Variants in MMP20 observed in about 807,000 individuals in gnomAD.
The protein encoded by MMP20 is matrix metallopeptidase 20.
In MMP20, 50 loss-of-function variants were observed where a neutral mutation model predicts 51.8. The ratio of observed to expected loss-of-function variants is 0.97; its 90% CI spans 0.77 to 1.22. The LOEUF (loss-of-function observed/expected upper bound fraction) is 1.22, where lower values mean the gene tolerates loss of function less well. MMP20 is among the 50% of genes most tolerant of loss of function. The probability of loss-of-function intolerance (pLI) is 0.00; values close to 1 mark genes in which losing one functional copy is unlikely to be tolerated. For synonymous variants in MMP20, 244 were observed against 216.2 expected (o/e 1.13, Z -1.13); for missense variants, 663 against 601.4 (o/e 1.10, Z -1.07).
At chr11:102,588,112 T>G (rs1859274854) in intron 8 of MMP20, among the ~76,000 whole-genome samples, 1 of 152,148 alleles carries the variant, frequency 6.6e-6, no homozygotes, top group Non-Finnish European at 1.5e-5. Flanking sequence ...TGTATTTTCC[T>G]AAGTGATTTC....
chr11:102,602,167 A>C (rs1859456587), intron 6 of MMP20, among the ~76,000 whole-genome samples: 1 of 128,232 alleles, frequency 7.8e-6, no homozygotes, highest in Non-Finnish European at 1.6e-5. Context: ...ACGGGGTTTC[A>C]CCATGTTAGC....
intron 6 of MMP20, 62 bp downstream of exon 6, chr11:102,606,473 C>A (rs373203014): frequency 1.9e-6 from 3 of 1,606,798 alleles, no homozygotes; most frequent in Non-Finnish European, 2.6e-6. Context: ...ACCTGTGGGA[C>A]GACGTTTGTC....
chr11:102,581,263 A>G (rs1013900353), intron 8 of MMP20, among the ~76,000 whole-genome samples: 1 of 152,176 alleles, frequency 6.6e-6, no homozygotes, highest in African/African-American at 2.4e-5. Context: ...TTCTGGCCCC[A>G]AGAACAATTA....
At chr11:102,591,238 C>A (rs1591611349) in intron 8 of MMP20, among the ~76,000 whole-genome samples, 2 of 152,146 alleles carry the variant, frequency 1.3e-5, no homozygotes, top group South Asian at 2.1e-4. Flanking sequence ...GTTGCATACA[C>A]CAGTGTATGT....
Position 102,579,067 on chromosome 11 carries a change from G to A in MMP20, c.1323C>T (p.Gly441=), listed in dbSNP as rs767685801. The change falls in exon 9 of 10, where the codon GGC becomes GGT. Residue 441 remains glycine, a synonymous_variant. Coordinates refer to ENST00000260228, the MANE Select transcript of MMP20 (RefSeq NM_004771.4). ...TTAATTCTACAGCAGCATCGATTTG[G>A]CCATTTACTCCTGAAAATTCTTCTT... The part of the protein sequence containing the change: ...NTEEEFSGVN[G]QIDAAVELNG... The A allele has an allele frequency of 1.7e-5, 28 of 1,612,896 alleles. No homozygotes were observed. The highest frequency in any genetic ancestry group is 2.2e-5 in the East Asian group (1 of 44,842).
At chr11:102,603,831 A>T (rs945317514) in intron 6 of MMP20, among the ~76,000 whole-genome samples, 1 of 152,162 alleles carries the variant, frequency 6.6e-6, no homozygotes, top group Non-Finnish European at 1.5e-5. Context: ...AGATACGTAC[A>T]TTGTAGCAGG....
intron 6 of MMP20, among the ~76,000 whole-genome samples, chr11:102,600,695 C>T (rs1859434965): frequency 6.6e-6 from 1 of 152,080 alleles, no homozygotes; most frequent in South Asian, 2.1e-4. Flanking sequence ...CCATGTTTCC[C>T]AGGCTGGTCT....
chr11:102,584,827 C>T (rs1436947300), intron 8 of MMP20, among the ~76,000 whole-genome samples: 1 of 151,994 alleles, frequency 6.6e-6, no homozygotes, highest in Admixed American at 6.6e-5. Flanking sequence ...GGTCTAAGTC[C>T]ATTCTTTTGC....
chr11:102,584,236 A>G (rs1859229095), intron 8 of MMP20, among the ~76,000 whole-genome samples: 1 of 152,190 alleles, frequency 6.6e-6, no homozygotes, highest in African/African-American at 2.4e-5. Flanking sequence ...ACTAATTTAC[A>G]TTTCTACTAC....
intron 1 of MMP20, among the ~76,000 whole-genome samples, chr11:102,622,126 CA>C (rs1859758762): frequency 6.6e-6 from 1 of 152,140 alleles, no homozygotes; most frequent in Non-Finnish European, 1.5e-5. Context: ...TTAAAGGACA[CA>C]AGTGGACATT....
At chr11:102,600,550 C>T (rs1431850837) in intron 6 of MMP20, among the ~76,000 whole-genome samples, 1 of 152,154 alleles carries the variant, frequency 6.6e-6, no homozygotes, top group Non-Finnish European at 1.5e-5. Context: ...GTGGTGCAAT[C>T]TCAGCTCACT....
intron 1 of MMP20, among the ~76,000 whole-genome samples, chr11:102,618,127 T>C (rs1565400684): frequency 6.6e-6 from 1 of 152,198 alleles, no homozygotes; most frequent in Non-Finnish European, 1.5e-5. Flanking sequence ...TGTTATACTG[T>C]ATTGTTTAGG....
At chr11:102,601,936 T>C (rs1225330984) in intron 6 of MMP20, among the ~76,000 whole-genome samples, 1 of 139,236 alleles carries the variant, frequency 7.2e-6, no homozygotes, top group African/African-American at 2.7e-5. Context: ...AAAAATGCTT[T>C]TCTTTTCTTT....
intron 1 of MMP20, among the ~76,000 whole-genome samples, chr11:102,622,043 G>C (rs1205872242): frequency 1.3e-5 from 2 of 152,156 alleles, no homozygotes; most frequent in African/African-American, 4.8e-5. Context: ...TAAAATCCTG[G>C]ATTATGAGAA....
chr11:102,606,345 G>A (rs1221409499), intron 6 of MMP20, among the ~76,000 whole-genome samples, 190 bp downstream of exon 6: 1 of 152,142 alleles, frequency 6.6e-6, no homozygotes, highest in Non-Finnish European at 1.5e-5. Flanking sequence ...ACCACAGTAG[G>A]TGCACCACAA....
intron 6 of MMP20, among the ~76,000 whole-genome samples, chr11:102,597,461 T>C (rs1192150861): frequency 6.6e-6 from 1 of 152,240 alleles, no homozygotes; most frequent in Non-Finnish European, 1.5e-5. Flanking sequence ...GAAGTAGTCA[T>C]TGTAAATCAA....
intron 8 of MMP20, among the ~76,000 whole-genome samples, chr11:102,592,985 A>G (rs1451370871): frequency 1.3e-5 from 2 of 152,234 alleles, no homozygotes; most frequent in East Asian, 3.8e-4. Context: ...GGACTAAGCA[A>G]TAAGGCCTTT....
intron 3 of MMP20, among the ~76,000 whole-genome samples, chr11:102,610,709 T>A (rs538402493): frequency 5.5e-4 from 83 of 152,160 alleles, no homozygotes; most frequent in Admixed American, 1.0e-3. Flanking sequence ...AAATAAGGGA[T>A]ATAGTTTACC....
chr11:102,613,163 T>C (rs1421918961), intron 2 of MMP20, among the ~76,000 whole-genome samples: 1 of 152,188 alleles, frequency 6.6e-6, no homozygotes, highest in African/African-American at 2.4e-5. Flanking sequence ...AAAAATGTAG[T>C]GCTTTTTGGA....
Sources: gnomAD v4.1 joint callset for allele counts (sites outside exome capture counted in the v4.1 genomes callset) on GRCh38, gnomAD v4.1.1 for gene constraint, MANE v1.5 for transcripts, NCBI Gene and HGNC (gene_info 2026-07-23, HGNC 2026-07-21) for gene names.